FGD4: variants seen among roughly 807,000 people sequenced by gnomAD.
FGD4 encodes FYVE, RhoGEF and PH domain containing 4, also known as FYVE, RhoGEF and PH domain-containing protein 4.
In FGD4, 42 loss-of-function variants were observed where a neutral mutation model predicts 102.0. The observed-to-expected ratio is 0.41, with a 90% CI of 0.32 to 0.53. The LOEUF is 0.53. FGD4 is among the 20% of genes least tolerant of loss of function. FGD4 has a pLI of 0.21. For missense variants in FGD4, 902 were observed against 1,078.2 expected (o/e 0.84, Z 2.29); for synonymous variants, 380 against 375.7 (o/e 1.01, Z -0.13).
In FGD4 at chr12:32,473,317, A is replaced by C. The variant is rs1298009108; in HGVS notation, c.166+73358A>C. Among the ~76,000 whole-genome samples the C allele has an allele frequency of 6.0e-5, 9 of 151,166 alleles. No individual in the cohort carries two copies. The East Asian group carries it at 1.8e-3, about 30-fold the overall frequency. ...TTTGCAATAACTCTTGCTACTGCTC[A>C]CTTTTTGGGTCCATGCTGCTTTTAT... On this transcript the variant is annotated intron_variant, in intron 1 of 16. Coordinates refer to ENST00000534526, the MANE Select transcript of FGD4 (RefSeq NM_001370298.3).
intron 1 of FGD4, among the ~76,000 whole-genome samples, chr12:32,432,051 A>ATTTT (rs60933809): frequency 8.4e-5 from 9 of 107,708 alleles, no homozygotes; most frequent in Non-Finnish European, 1.4e-4. Flanking sequence ...TAATCCTAGC[A>ATTTT]TTTTTTTTTT....
intron 1 of FGD4, among the ~76,000 whole-genome samples, chr12:32,426,638 G>A (rs1941846828): frequency 6.6e-6 from 1 of 152,164 alleles, no homozygotes; most frequent in South Asian, 2.1e-4. Context: ...CGGAAGGAAT[G>A]GTACCAGCTC....
intron 4 of FGD4, among the ~76,000 whole-genome samples, chr12:32,583,157 T>C (rs1946747082): frequency 6.6e-6 from 1 of 152,044 alleles, no homozygotes; most frequent in South Asian, 2.1e-4. Context: ...GGCAACATGG[T>C]GAGAGCCCAT....
chr12:32,481,127 C>CAAAAAAAAAAAAACAAAAAAAAAAA (rs1943750280), intron 1 of FGD4, among the ~76,000 whole-genome samples: 1 of 27,354 alleles, frequency 3.7e-5, no homozygotes, highest in Non-Finnish European at 5.6e-5. Flanking sequence ...GACTCCGTCT[C>CAAAAAAAAAAAAACAAAAAAAAAAA]AAAAAAAAAA....
intron 14 of FGD4, among the ~76,000 whole-genome samples, chr12:32,630,298 ACAG>A (rs1376275734): frequency 2.0e-5 from 3 of 152,214 alleles, no homozygotes; most frequent in Non-Finnish European, 4.4e-5. Context: ...TGTCATACTG[ACAG>A]CAGCAAGAGT....
chr12:32,582,140 C>T lies in FGD4; in HGVS notation c.684C>T (p.Asn228=), dbSNP rs766135371. ...KTQGAQTCVA[N]GVMAAQNQME... The stretch of plus-strand genomic sequence containing the variant: ...AGGGTGCACAGACTTGTGTGGCCAA[C>T]GGTGTAATGGCAGCACAAAACCAGA... The change falls in exon 4 of 17, where the codon AAC becomes AAT. Residue 228 remains asparagine, a synonymous_variant. Transcript: ENST00000534526. The T allele has an allele frequency of 8.7e-6, 14 of 1,614,112 alleles. No homozygotes were observed. Among genetic ancestry groups the T allele is most frequent in the South Asian group, 5.5e-5 (5 of 91,080 alleles).
intron 1 of FGD4, among the ~76,000 whole-genome samples, chr12:32,520,427 T>TTTTTTTG (rs1940390510): frequency 8.4e-6 from 1 of 119,090 alleles, no homozygotes; most frequent in Non-Finnish European, 1.8e-5. Flanking sequence ...TATTGTGGGT[T>TTTTTTTG]TTTTTGTTTT....
At chr12:32,537,794 C>T (rs113948761) in intron 1 of FGD4, among the ~76,000 whole-genome samples, 353 of 152,294 alleles carry the variant, frequency 2.3e-3, no homozygotes, top group Non-Finnish European at 3.9e-3. Flanking sequence ...TTAGTGAGAC[C>T]TCCTTGTCCT....
intron 1 of FGD4, among the ~76,000 whole-genome samples, chr12:32,461,851 C>T (rs1349535692): frequency 1.3e-5 from 2 of 152,076 alleles, no homozygotes; most frequent in African/African-American, 2.4e-5. Flanking sequence ...CTCAGCCTCC[C>T]GAGTAGCTGG....
intron 1 of FGD4, among the ~76,000 whole-genome samples, chr12:32,406,169 C>T (rs796628995): frequency 4.2e-4 from 64 of 151,944 alleles, no homozygotes; most frequent in African/African-American, 1.2e-3. Flanking sequence ...CTCGAACTCC[C>T]GACCTCAGGT....
At chr12:32,546,195 T>C (rs541016508) in intron 1 of FGD4, among the ~76,000 whole-genome samples, 62 of 152,312 alleles carry the variant, frequency 4.1e-4, no homozygotes, top group African/African-American at 1.5e-3. Flanking sequence ...GAAGTACAGC[T>C]CCAGATTATG....
chr12:32,461,474 C>CT (rs981216212), intron 1 of FGD4, among the ~76,000 whole-genome samples: 1 of 152,070 alleles, frequency 6.6e-6, no homozygotes, highest in Non-Finnish European at 1.5e-5. Flanking sequence ...ATTTATTCAT[C>CT]TTTTTTTCTA....
chr12:32,566,714 G>A (rs74072671), intron 2 of FGD4, among the ~76,000 whole-genome samples: 9,152 of 152,186 alleles, frequency 0.06, 967 homozygotes, highest in African/African-American at 0.21. Context: ...GAGAGAAGCT[G>A]ATTTTAATTT....
At chr12:32,529,582 C>T (rs1484043831) in intron 1 of FGD4, among the ~76,000 whole-genome samples, 1 of 151,470 alleles carries the variant, frequency 6.6e-6, no homozygotes, top group East Asian at 2.0e-4. Flanking sequence ...CGGTAGCTCA[C>T]GCCTGTAATC....
chr12:32,601,313 A>G lies in FGD4; in HGVS notation c.1137A>G (p.Arg379=). 3 of 1,614,146 alleles carry G rather than the reference A, an allele frequency of 1.9e-6. No individual in the cohort carries two copies. ...GCAAACTGTTGGAAGAAGCAAACCGAGGCTCGTTTCCAGCAGAGATGGTGA... is the reference window on the plus strand; with the variant it reads ...GCAAACTGTTGGAAGAAGCAAACCGGGGCTCGTTTCCAGCAGAGATGGTGA... ...FYCKLLEEAN[R]GSFPAEMVNK... The change falls in exon 6 of 17, where the codon CGA becomes CGG. Residue 379 remains arginine, a synonymous_variant. Coordinates refer to ENST00000534526, the MANE Select transcript of FGD4 (RefSeq NM_001370298.3).
intron 1 of FGD4, among the ~76,000 whole-genome samples, chr12:32,514,512 G>A (rs1459505524): frequency 6.6e-6 from 1 of 151,952 alleles, no homozygotes; most frequent in Non-Finnish European, 1.5e-5. Context: ...AGGCCAGGAA[G>A]CTTTTTGTTT....
intron 1 of FGD4, among the ~76,000 whole-genome samples, chr12:32,472,063 G>T (rs768433202): frequency 2.6e-5 from 4 of 152,206 alleles, no homozygotes; most frequent in Non-Finnish European, 4.4e-5. Context: ...CAGCTTGACA[G>T]GTCTAGGATC....
rs1232260031 is a variant in FGD4, at chr12:32,582,458, T to A, written c.1002T>A (p.His334Gln). 1.2e-6 allele frequency: 2 copies of A among 1,609,746 alleles called. No homozygotes were observed. Among genetic ancestry groups the A allele is most frequent in the African/African-American group, 1.3e-5 (1 of 74,866 alleles). Residue 334 changes from histidine to glutamine, a missense_variant, in exon 4 of 17, where the codon CAT becomes CAA. Transcript: ENST00000534526. ...AACTGGAGCAGCTGGACCAGCACCA[T>A]GAGATGAAGGTAGAGCATGAGACTA... ...PLELEQLDQHHEMKETNEQKL... is the reference protein window; with the variant it reads ...PLELEQLDQHQEMKETNEQKL...
intron 1 of FGD4, among the ~76,000 whole-genome samples, chr12:32,497,547 C>T (rs1007879082): frequency 2.0e-5 from 3 of 151,990 alleles, no homozygotes; most frequent in Non-Finnish European, 2.9e-5. Context: ...ATGTTTGATC[C>T]CCGATTAGGA....
Sources: allele counts gnomAD v4.1 joint callset (sites outside exome capture counted in the v4.1 genomes callset), GRCh38; gene constraint gnomAD v4.1.1; transcripts MANE v1.5; gene names NCBI Gene and HGNC (gene_info 2026-07-23, HGNC 2026-07-21).